COL4A5: variants seen among roughly 807,000 people sequenced by gnomAD.
COL4A5 encodes the protein collagen alpha-5(IV) chain.
In COL4A5, 26 loss-of-function variants were observed where a neutral mutation model predicts 130.2. The ratio of observed to expected loss-of-function variants is 0.20; its 90% CI spans 0.15 to 0.28. The LOEUF is 0.28. COL4A5 is among the 10% of genes least tolerant of loss of function. COL4A5 has a pLI of 1.00. For missense variants in COL4A5, 1,131 were observed against 1,344.3 expected (o/e 0.84, Z 2.48); for synonymous variants, 496 against 439.6 (o/e 1.13, Z -1.60).
Position 108,598,711 on chromosome X carries a change from A to T in COL4A5, c.1789A>T (p.Thr597Ser). The change falls in exon 25 of 53, where the codon ACT (threonine) becomes TCT (serine). Residue 597 changes from threonine to serine, a missense_variant. Coordinates refer to ENST00000328300, the MANE Select transcript of COL4A5 (RefSeq NM_033380.3). ...ACTTTTCCCTTTTTAGGGTGGAATT[A>T]CTTTTAAGGGTGAAAGAGGTCCCCC... ...PGPKGEPGGITFKGERGPPGN... is the reference protein window; with the variant it reads ...PGPKGEPGGISFKGERGPPGN... The T allele has an allele frequency of 8.3e-7, 1 of 1,209,594 alleles. No homozygotes were observed. Among genetic ancestry groups the T allele is most frequent in the Non-Finnish European group, 1.1e-6 (1 of 894,083 alleles).
Position 108,626,164 on chromosome X carries a change from G to A in COL4A5, c.3107-46G>A, listed in dbSNP as rs374190647. 6 of 1,165,403 alleles carry A rather than the reference G, an allele frequency of 5.1e-6. No individual in the cohort carries two copies. In the African/African-American group the frequency reaches 5.4e-5, roughly 10 times the overall value. ...CATATGCATCTTAGATAATCCACAAGTAAAGCATATTTTGTAAAATATTAT... is the reference window on the plus strand; with the variant it reads ...CATATGCATCTTAGATAATCCACAAATAAAGCATATTTTGTAAAATATTAT... On this transcript the variant is annotated intron_variant, in intron 35 of 52. Coordinates refer to ENST00000328300, the MANE Select transcript of COL4A5 (RefSeq NM_033380.3).
At chrX:108,451,377 G>A (rs1226509589) in intron 1 of COL4A5, among the ~76,000 whole-genome samples, 3 of 111,634 alleles carry the variant, frequency 2.7e-5, no homozygotes, top group Non-Finnish European at 5.6e-5. Context: ...GGATGGCTGA[G>A]TCAAATGGTA....
At chrX:108,603,739 G>T (rs1210086933) in intron 28 of COL4A5, among the ~76,000 whole-genome samples, 1 of 111,834 alleles carries the variant, frequency 8.9e-6, no homozygotes, top group Admixed American at 9.5e-5. Flanking sequence ...TCTGCAGCAT[G>T]TGGTGCTGTT....
chrX:108,560,695 A>G (rs1398335844), intron 3 of COL4A5, among the ~76,000 whole-genome samples: 2 of 112,243 alleles, frequency 1.8e-5, no homozygotes, highest in Non-Finnish European at 1.9e-5. Context: ...TCTCTTATCA[A>G]TGTCCTATTA....
At chrX:108,647,792 GGTT>G in intron 36 of COL4A5, among the ~76,000 whole-genome samples, 1 of 111,664 alleles carries the variant, frequency 9.0e-6, no homozygotes, top group East Asian at 2.8e-4. Context: ...TTAGCATGAA[GGTT>G]GTTGAATTTT....
At chrX:108,687,841 A>G in intron 49 of COL4A5, 147 bp downstream of exon 49, 3 of 501,806 alleles carry the variant, frequency 6.0e-6, no homozygotes, top group South Asian at 2.9e-5. Flanking sequence ...GCAACTGAAT[A>G]TATTCACTAT....
At chrX:108,647,575 T>A (rs999185841) in intron 36 of COL4A5, among the ~76,000 whole-genome samples, 3 of 111,336 alleles carry the variant, frequency 2.7e-5, no homozygotes, top group African/African-American at 9.8e-5. Flanking sequence ...CCCTTTATTT[T>A]CTTCTCCTGC....
intron 37 of COL4A5, among the ~76,000 whole-genome samples, chrX:108,661,292 G>T (rs981021905): frequency 9.0e-6 from 1 of 111,322 alleles, no homozygotes; most frequent in Non-Finnish European, 1.9e-5. Flanking sequence ...GTCACTGAGG[G>T]TCTAGGTATG....
At chrX:108,556,710 C>T (rs958295704) in intron 2 of COL4A5, among the ~76,000 whole-genome samples, 3 of 110,911 alleles carry the variant, frequency 2.7e-5, no homozygotes, top group Non-Finnish European at 5.7e-5. Context: ...CAACAACAAA[C>T]GTCAACCTTC....
In COL4A5 at chrX:108,665,548, C is replaced by T; in HGVS notation, c.3415C>T (p.Pro1139Ser). Residue 1139 changes from proline to serine, a missense_variant, in exon 38 of 53, where the codon CCT (proline) becomes TCT (serine). Pro to Ser is a moderately conservative substitution (Grantham distance 74). Coordinates refer to ENST00000328300, the MANE Select transcript of COL4A5 (RefSeq NM_033380.3). ...PPGPKGISGP[P>S]GNPGLPGEPG... ...TGGACCAAAAGGTATTAGTGGCCCT[C>T]CTGGGAACCCCGGCCTTCCAGGAGA... The T allele has an allele frequency of 8.3e-7, 1 of 1,208,609 alleles. No individual in the cohort carries two copies. The highest frequency in any genetic ancestry group is 1.1e-6 in the Non-Finnish European group (1 of 893,058).
chrX:108,516,358 T>C (rs1193014353), intron 1 of COL4A5, among the ~76,000 whole-genome samples: 1 of 112,197 alleles, frequency 8.9e-6, no homozygotes, highest in Non-Finnish European at 1.9e-5. Context: ...TTTATTCTTA[T>C]TATCATGGTA....
intron 1 of COL4A5, among the ~76,000 whole-genome samples, chrX:108,460,086 T>TA (rs2064627679): frequency 8.9e-6 from 1 of 111,981 alleles, no homozygotes; most frequent in Admixed American, 9.5e-5. Context: ...GACGTGGCCT[T>TA]ACACATTTTG....
chrX:108,503,257 A>T (rs950916531), intron 1 of COL4A5, among the ~76,000 whole-genome samples: 2 of 111,530 alleles, frequency 1.8e-5, no homozygotes, highest in African/African-American at 6.5e-5. Flanking sequence ...TGACAATATT[A>T]GTTAACTCAG....
intron 39 of COL4A5, 66 bp from the exon 40 acceptor site, chrX:108,667,067 T>A (rs781533373): frequency 1.0e-6 from 1 of 1,003,377 alleles, no homozygotes; most frequent in East Asian, 3.0e-5. Flanking sequence ...TAAAAATAAT[T>A]TGGCCTTGTT....
chrX:108,586,971 T>G (rs1324591202), intron 19 of COL4A5, among the ~76,000 whole-genome samples: 1 of 106,065 alleles, frequency 9.4e-6, no homozygotes, highest in Non-Finnish European at 1.9e-5. Flanking sequence ...AGATTCCTAT[T>G]TCTACATTTT....
intron 29 of COL4A5, among the ~76,000 whole-genome samples, chrX:108,607,755 C>G (rs1285600550): frequency 9.0e-6 from 1 of 111,226 alleles, no homozygotes; most frequent in African/African-American, 3.3e-5. Context: ...GTGTTGGGAT[C>G]CTTCTGGTGT....
At chrX:108,659,796 A>G (rs1174863501) in intron 37 of COL4A5, among the ~76,000 whole-genome samples, 1 of 111,164 alleles carries the variant, frequency 9.0e-6, no homozygotes, top group Non-Finnish European at 1.9e-5. Flanking sequence ...TATGTTTTTT[A>G]GGAATAAAAT....
At chrX:108,645,690 A>G (rs1222421571) in intron 36 of COL4A5, among the ~76,000 whole-genome samples, 1 of 107,522 alleles carries the variant, frequency 9.3e-6, no homozygotes, top group Admixed American at 1.0e-4. Context: ...TTAACTCGTC[A>G]TTTAGCATTA....
intron 1 of COL4A5, among the ~76,000 whole-genome samples, chrX:108,476,755 C>T (rs2147518834): frequency 9.0e-6 from 1 of 110,905 alleles, no homozygotes; most frequent in East Asian, 2.8e-4. Context: ...TTGCAAATGA[C>T]AAGATCTCAT....
Sources: gnomAD v4.1 joint callset for allele counts (sites outside exome capture counted in the v4.1 genomes callset) on GRCh38, gnomAD v4.1.1 for gene constraint, MANE v1.5 for transcripts, NCBI Gene and HGNC (gene_info 2026-07-23, HGNC 2026-07-21) for gene names.